Variants in AP4E1 observed in about 807,000 individuals in gnomAD.
AP4E1 encodes the protein adaptor related protein complex 4 subunit epsilon 1, also known as AP-4 complex subunit epsilon-1.
Under a neutral mutation model 128.2 loss-of-function variants are expected in AP4E1, and 56 were observed. That is an observed-to-expected ratio of 0.44 (90% CI 0.35 to 0.55). The LOEUF (loss-of-function observed/expected upper bound fraction) is 0.55. AP4E1 is among the 20% of genes least tolerant of loss of function. The pLI, the probability that AP4E1 is intolerant of heterozygous loss-of-function variation, is 0.00. For missense variants in AP4E1, 1,324 were observed against 1,307.7 expected (o/e 1.01, Z -0.19); for synonymous variants, 484 against 473.1 (o/e 1.02, Z -0.30).
In AP4E1 at chr15:50,999,253, AT is replaced by A. The variant is rs1567267978; in HGVS notation, c.3089del (p.Phe1030SerfsTer5). Reference sequence around the variant, plus strand: ...TTTTCTGTAAACTTATCACTATTAGATTTCATTAGGTAAATGTTTTGTGAAA... The same window carrying A: ...TTTTCTGTAAACTTATCACTATTAGATTCATTAGGTAAATGTTTTGTGAAA... ...LEFSVNLSLL[D>X]FIRPLKISSD... On this transcript the variant is annotated frameshift_variant, in exon 19 of 21. Transcript: ENST00000261842. LOFTEE classifies it high-confidence loss of function. 1 of 1,610,112 alleles carries A rather than the reference AT, an allele frequency of 6.2e-7. No homozygotes were observed. The highest frequency in any genetic ancestry group is 8.5e-7 in the Non-Finnish European group (1 of 1,177,984).
chr15:50,967,025 TCTC>T (rs1029122449), intron 14 of AP4E1, among the ~76,000 whole-genome samples: 3 of 152,354 alleles, frequency 2.0e-5, no homozygotes, highest in South Asian at 2.1e-4. Flanking sequence ...TTTTTGTTCA[TCTC>T]CTTCTTTTCT....
chr15:50,946,882 C>T lies in AP4E1; in HGVS notation c.1177-1138C>T, dbSNP rs139684598. On this transcript the variant is annotated intron_variant, in intron 10 of 20. Coordinates refer to ENST00000261842, the MANE Select transcript of AP4E1 (RefSeq NM_007347.5). ...ATATTCCTCAGCACTTAGAAAGTAG[C>T]TGTAGCAGCTGTGCGCTGTGGCTCA... is the stretch of plus-strand genomic sequence containing the variant. Among the ~76,000 whole-genome samples, 139 of 152,236 alleles carry T rather than the reference C, an allele frequency of 9.1e-4. No individual in the cohort carries two copies. In the East Asian group the frequency reaches 0.025, roughly 28 times the overall value.
intron 15 of AP4E1, among the ~76,000 whole-genome samples, chr15:50,970,643 C>T (rs1194873106): frequency 6.6e-6 from 1 of 152,118 alleles, no homozygotes; most frequent in Admixed American, 6.6e-5. Context: ...CAGCTTTTAA[C>T]TTAAAATCTG....
chr15:50,993,217 T>C (rs899214652), intron 16 of AP4E1, among the ~76,000 whole-genome samples, 153 bp from the exon 17 acceptor site: 1 of 152,196 alleles, frequency 6.6e-6, no homozygotes, highest in Non-Finnish European at 1.5e-5. Flanking sequence ...AAATAAAATC[T>C]AGAGATCAAG....
At chr15:50,985,306 T>C (rs1415013580) in intron 16 of AP4E1, among the ~76,000 whole-genome samples, 4 of 152,216 alleles carry the variant, frequency 2.6e-5, no homozygotes, top group African/African-American at 9.6e-5. Context: ...AGAAGCTCTT[T>C]CGTTTAATTA....
At chr15:50,995,521 G>T (rs920086345) in intron 17 of AP4E1, among the ~76,000 whole-genome samples, 2 of 151,696 alleles carry the variant, frequency 1.3e-5, no homozygotes, top group East Asian at 3.9e-4. Context: ...CAGTAGCTGG[G>T]ATTACAGGCA....
chr15:50,947,286 C>A (rs574050832), intron 10 of AP4E1, among the ~76,000 whole-genome samples: 1 of 151,744 alleles, frequency 6.6e-6, no homozygotes, highest in African/African-American at 2.4e-5. Context: ...CATGGTGGCA[C>A]GTGCCTGTAG....
At chr15:50,980,909 C>T (rs1467578475) in intron 15 of AP4E1, among the ~76,000 whole-genome samples, 2 of 152,142 alleles carry the variant, frequency 1.3e-5, no homozygotes, top group African/African-American at 2.4e-5. Flanking sequence ...GGGGTCATGG[C>T]GTCCTCCACC....
intron 5 of AP4E1, among the ~76,000 whole-genome samples, chr15:50,928,434 T>G (rs2141153366): frequency 6.6e-6 from 1 of 152,170 alleles, no homozygotes; most frequent in Middle Eastern, 3.4e-3. Context: ...ACTACAGGTG[T>G]GCACCACCAC....
At chr15:50,962,214 A>G (rs1037289956) in intron 14 of AP4E1, among the ~76,000 whole-genome samples, 3 of 151,908 alleles carry the variant, frequency 2.0e-5, no homozygotes, top group African/African-American at 7.2e-5. Flanking sequence ...GATTCAATGT[A>G]CTATCAAAAT....
At position 51,003,489 on chromosome 15, in the gene AP4E1, A is replaced by C. The variant is rs2064989128; in HGVS notation, c.*827A>C. 1 of 152,302 alleles carries C rather than the reference A, an allele frequency of 6.6e-6. No individual in the cohort carries two copies. The highest frequency in any genetic ancestry group is 6.5e-5 in the Admixed American group (1 of 15,284). The allele number at this position is 152,302 out of a possible 1,614,324, so 9.4% of individuals were successfully genotyped here. The stretch of plus-strand genomic sequence containing the variant: ...TGGTTACTACTTAGGTCCTTTTGGC[A>C]AATGAAAATTTGTGATTAGAGTATA... On this transcript the variant is annotated 3_prime_UTR_variant, in exon 21 of 21. Transcript: ENST00000261842.
chr15:50,995,110 C>T (rs923954407), intron 17 of AP4E1, among the ~76,000 whole-genome samples: 6 of 152,092 alleles, frequency 3.9e-5, no homozygotes, highest in Non-Finnish European at 7.4e-5. Flanking sequence ...TTCTCAGCCC[C>T]GACCCTTCCT....
intron 14 of AP4E1, among the ~76,000 whole-genome samples, chr15:50,967,614 T>C (rs1160928679): frequency 6.6e-6 from 1 of 152,242 alleles, no homozygotes; most frequent in Non-Finnish European, 1.5e-5. Context: ...TGGGTTACAG[T>C]TCTGCTCAGG....
At chr15:50,955,955 C>T (rs1187908015) in intron 13 of AP4E1, among the ~76,000 whole-genome samples, 4 of 152,132 alleles carry the variant, frequency 2.6e-5, no homozygotes, top group African/African-American at 9.7e-5. Context: ...CTGTCTGAAA[C>T]TTTTCTGTCC....
At chr15:50,993,716 A>G in intron 17 of AP4E1, 91 bp downstream of exon 17, 2 of 1,513,106 alleles carry the variant, frequency 1.3e-6, no homozygotes, top group African/African-American at 1.4e-5. Context: ...TGTCGTCTAT[A>G]TGTATAGTGA....
rs575351861 is a variant in AP4E1, at chr15:50,916,608, CG to C, written c.346+1041del. 3.4e-3 allele frequency among the ~76,000 whole-genome samples: 513 copies of C among 152,226 alleles called. 3 individuals are homozygous for C. Among genetic ancestry groups the C allele is most frequent in the Middle Eastern group, 0.014 (4 of 294 alleles). On this transcript the variant is annotated intron_variant, in intron 3 of 20. Transcript: ENST00000261842. ...TATATTGCTCTGTGCTATCAGATGA[CG>C]GGGTGAAGGTGACAGATGTCTTGGT...
At chr15:50,948,884 A>G (rs1266671824) in intron 11 of AP4E1, among the ~76,000 whole-genome samples, 4 of 151,844 alleles carry the variant, frequency 2.6e-5, no homozygotes, top group Non-Finnish European at 5.9e-5. Context: ...AGGCAGAGGA[A>G]TCGCTTGAAA....
At position 50,936,327 on chromosome 15, in the gene AP4E1, G is replaced by A. The variant is rs1377900092; in HGVS notation, c.943+1630G>A. On this transcript the variant is annotated intron_variant, in intron 8 of 20. Coordinates refer to ENST00000261842, the MANE Select transcript of AP4E1 (RefSeq NM_007347.5). ...GGATAAGGGTTTGAAAGTCTTTCGG[G>A]AAATTCTGCTTAAAATTCAGTTAAA... is the stretch of plus-strand genomic sequence containing the variant. 3.3e-5 allele frequency among the ~76,000 whole-genome samples: 5 copies of A among 151,526 alleles called. No individual in the cohort carries two copies. The East Asian group carries it at 9.6e-4, about 29-fold the overall frequency.
chr15:50,948,269 AC>A, intron 11 of AP4E1, 110 bp downstream of exon 11: 1 of 1,327,994 alleles, frequency 7.5e-7, no homozygotes, highest in Non-Finnish European at 1.1e-6. Context: ...ACCTAGCAAT[AC>A]TTTTTATTCC....
Sources: allele counts gnomAD v4.1 joint callset (sites outside exome capture counted in the v4.1 genomes callset), GRCh38; gene constraint gnomAD v4.1.1; transcripts MANE v1.5; gene names NCBI Gene and HGNC (gene_info 2026-07-23, HGNC 2026-07-21).